Variants in TECPR1 observed in about 807,000 individuals in gnomAD.
The protein encoded by TECPR1 is tectonin beta-propeller repeat-containing protein 1.
TECPR1 carries 122 observed loss-of-function variants against 162.4 expected under a neutral mutation model. The ratio of observed to expected loss-of-function variants is 0.75; its 90% CI spans 0.65 to 0.87. The LOEUF is 0.87. TECPR1 is among the 40% of genes least tolerant of loss of function. The pLI is 0.00. For synonymous variants in TECPR1, 642 were observed against 670.6 expected, an observed-to-expected ratio of 0.96 and a Z score of 0.66; for missense variants, 1,432 against 1,618.2, an observed-to-expected ratio of 0.88 and a Z score of 1.97.
Position 98,241,343 on chromosome 7 carries a change from G to A in TECPR1, c.658-99C>T. On this transcript the variant is annotated intron_variant, in intron 6 of 25. Coordinates refer to ENST00000447648, the MANE Select transcript of TECPR1 (RefSeq NM_015395.3). The surrounding 1 kb of genome is among the most constrained non-coding windows in gnomAD (Gnocchi z 5.0). ...GTAGGGGGTAGGACCCATGTCCCCT[G>A]ACCGTCCAGATCTCACTCCCTGCCC... 1 of 1,451,012 alleles carries A rather than the reference G, an allele frequency of 6.9e-7. No individual in the cohort carries two copies. The highest frequency in any genetic ancestry group is 9.5e-7 in the Non-Finnish European group (1 of 1,057,376). The allele number at this position is 1,451,012 out of a possible 1,614,324, so 89.9% of individuals were successfully genotyped here.
In TECPR1 at chr7:98,231,085, G is replaced by A. The variant is rs372050077; in HGVS notation, c.2158C>T (p.Arg720Trp). Residue 720 changes from arginine to tryptophan, a missense_variant, in exon 15 of 26, where the codon CGG (arginine) becomes TGG (tryptophan). Coordinates refer to ENST00000447648, the MANE Select transcript of TECPR1 (RefSeq NM_015395.3). ...GGGGACGGGCGGCCCTGCACCTTCC[G>A]GCTCTCGCAGCAAGACAGGCTGAGC... ...ALLSLSCCES[R>W]KVQGRPSPQA... The A allele has an allele frequency of 4.7e-5, 75 of 1,604,560 alleles. No individual in the cohort carries two copies. Among genetic ancestry groups the A allele is most frequent in the Admixed American group, 2.1e-4 (12 of 58,508 alleles).
In TECPR1 at chr7:98,217,743, G is replaced by T; in HGVS notation, c.3333C>A (p.Thr1111=). Residue 1111 remains threonine, a synonymous_variant, in exon 25 of 26, where the codon ACC becomes ACA. Transcript: ENST00000447648. ...CCTTGGGCTCGTGAGGCTGCACGCCGGTGCGATGACACACTGTCCCCCGGC... is the reference window on the plus strand; with the variant it reads ...CCTTGGGCTCGTGAGGCTGCACGCCTGTGCGATGACACACTGTCCCCCGGC... ...SLSRGTVCHR[T]GVQPHEPKGH... is the part of the protein sequence containing the mutation. The T allele has an allele frequency of 6.4e-7, 1 of 1,550,388 alleles. No individual in the cohort carries two copies. Among genetic ancestry groups the T allele is most frequent in the South Asian group, 1.2e-5 (1 of 84,030 alleles).
At position 98,241,146 on chromosome 7, in the gene TECPR1, G is replaced by C; in HGVS notation, c.756C>G (p.Pro252=). The C allele has an allele frequency of 6.2e-7, 1 of 1,612,816 alleles. No individual in the cohort carries two copies. The highest frequency in any genetic ancestry group is 8.5e-7 in the Non-Finnish European group (1 of 1,179,788). ...AGAGTGTGGCCCACAGGAGGTCGTG[G>C]GGCCCACAGCTGATCTGAACCACCT... ...PGEVVQISCG[P]HDLLWATLWE... Residue 252 remains proline (P), a synonymous_variant, in exon 7 of 26, where the codon CCC becomes CCG. Coordinates refer to ENST00000447648, the MANE Select transcript of TECPR1 (RefSeq NM_015395.3). This position sits in a 1 kb window ranked among gnomAD's most constrained non-coding sequence, Gnocchi z 5.0.
At chr7:98,218,750 A>G (rs1029242358) in intron 23 of TECPR1, among the ~76,000 whole-genome samples, 1 of 152,240 alleles carries the variant, frequency 6.6e-6, no homozygotes, top group Non-Finnish European at 1.5e-5. Context: ...TCCCATATTC[A>G]TGGATTGATG....
At chr7:98,234,539 T>C (rs1798541438) in intron 10 of TECPR1, among the ~76,000 whole-genome samples, 1 of 152,114 alleles carries the variant, frequency 6.6e-6, no homozygotes, top group East Asian at 1.9e-4. Context: ...TCAAGCCTCT[T>C]GGATATACAC....
Position 98,231,887 on chromosome 7 carries a change from A to G in TECPR1, c.1891T>C (p.Leu631=). The G allele has an allele frequency of 6.2e-7, 1 of 1,612,156 alleles. No homozygotes were observed. Among genetic ancestry groups the G allele is most frequent in the Non-Finnish European group, 8.5e-7 (1 of 1,179,804 alleles). ...TGCCCCGTGAACTGCTCCAGGGCCAAGCGCACGTCCACCCACTTGTGGGGC... is the reference window on the plus strand; with the variant it reads ...TGCCCCGTGAACTGCTCCAGGGCCAGGCGCACGTCCACCCACTTGTGGGGC... ...WKPHKWVDVR[L]ALEQFTGHDG... is the part of the protein sequence containing the mutation. The change falls in exon 13 of 26, where the codon TTG becomes CTG. Residue 631 remains leucine (L), a synonymous_variant. Coordinates refer to ENST00000447648, the MANE Select transcript of TECPR1 (RefSeq NM_015395.3).
Position 98,247,550 on chromosome 7 carries a change from C to T in TECPR1, c.-19-1385G>A, listed in dbSNP as rs544509053. On this transcript the variant is annotated intron_variant, in intron 2 of 25. Transcript: ENST00000447648. ...GGGTCCTTCCCCAGAGTGGGCAGGTCTCCCCGCCATGTTGGCCTCTATCTG... is the reference window on the plus strand; with the variant it reads ...GGGTCCTTCCCCAGAGTGGGCAGGTTTCCCCGCCATGTTGGCCTCTATCTG... 7.2e-5 allele frequency among the ~76,000 whole-genome samples: 11 copies of T among 152,214 alleles called. No homozygotes were observed. In the East Asian group the frequency reaches 1.9e-3, roughly 27 times the overall value.
At chr7:98,223,555 G>C (rs1798197263) in intron 20 of TECPR1, 107 bp downstream of exon 20, 2 of 1,204,424 alleles carry the variant, frequency 1.7e-6, no homozygotes, top group Non-Finnish European at 2.4e-6. Context: ...TTGGGACTGA[G>C]GTCAGAGGCC....
At chr7:98,227,880 C>T (rs1343981946) in intron 17 of TECPR1, 134 bp downstream of exon 17, 12 of 641,122 alleles carry the variant, frequency 1.9e-5, no homozygotes, top group Admixed American at 4.9e-5. Flanking sequence ...CGGTAAGATC[C>T]GGTTAGTTTC....
rs1457783905 is a variant in TECPR1, at chr7:98,238,608, C to A, written c.936G>T (p.Val312=). 1.9e-6 allele frequency: 3 copies of A among 1,562,806 alleles called. No homozygotes were observed. The East Asian group carries it at 7.1e-5, about 37-fold the overall frequency. ...VVWAVTKDWK[V]WFRRGVNSHN... Reference sequence around the variant, plus strand: ...GAGAGTTGACGCCTCTTCGGAACCACACCTGGGGGAGTCAGAAATAAACAT... The same window carrying A: ...GAGAGTTGACGCCTCTTCGGAACCAAACCTGGGGGAGTCAGAAATAAACAT... Residue 312 remains valine, a splice_region_variant and synonymous_variant, in exon 9 of 26, where the codon GTG becomes GTT. Transcript: ENST00000447648.
At position 98,241,350 on chromosome 7, in the gene TECPR1, C is replaced by T. The variant is rs1160882992; in HGVS notation, c.658-106G>A. On this transcript the variant is annotated intron_variant, in intron 6 of 25. Coordinates refer to ENST00000447648, the MANE Select transcript of TECPR1 (RefSeq NM_015395.3). This position sits in a 1 kb window ranked among gnomAD's most constrained non-coding sequence, Gnocchi z 5.0. ...GTAGGACCCATGTCCCCTGACCGTC[C>T]AGATCTCACTCCCTGCCCCCTACCC... 2.2e-6 allele frequency: 3 copies of T among 1,389,720 alleles called. No individual in the cohort carries two copies. Among genetic ancestry groups the T allele is most frequent in the Non-Finnish European group, 3.0e-6 (3 of 1,008,186 alleles). 86.1% of individuals were successfully genotyped at this position (1,389,720 alleles called of 1,614,324 possible).
chr7:98,233,690 C>A lies in TECPR1; in HGVS notation c.1403G>T (p.Arg468Met). ...VEDACPAEGS[R>M]EARPNTHPGP... is the part of the protein sequence containing the mutation. ...GGGGTGCGTGTTGGGTCTGGCCTCCCTGCTGCCCTCGGCTGGGCAGGCATC... is the reference window on the plus strand; with the variant it reads ...GGGGTGCGTGTTGGGTCTGGCCTCCATGCTGCCCTCGGCTGGGCAGGCATC... The change falls in exon 11 of 26, where the codon AGG becomes ATG. Residue 468 changes from arginine (R) to methionine (M), a missense_variant. Arg to Met is a moderately conservative substitution (Grantham distance 91). Coordinates refer to ENST00000447648, the MANE Select transcript of TECPR1 (RefSeq NM_015395.3). The A allele has an allele frequency of 6.2e-7, 1 of 1,609,384 alleles. No homozygotes were observed. Among genetic ancestry groups the A allele is most frequent in the Middle Eastern group, 1.7e-4 (1 of 6,040 alleles).
intron 19 of TECPR1, 111 bp from the exon 20 acceptor site, chr7:98,223,829 G>C: frequency 8.3e-7 from 1 of 1,198,686 alleles, no homozygotes; most frequent in Non-Finnish European, 1.2e-6. Flanking sequence ...GGACTGGGTG[G>C]AAGCCATGGA....
chr7:98,227,893 G>A, intron 17 of TECPR1, 121 bp downstream of exon 17: 2 of 709,622 alleles, frequency 2.8e-6, no homozygotes, highest in South Asian at 1.6e-5. Flanking sequence ...TTAGTTTCCT[G>A]CTGGCGGCCT....
At chr7:98,243,752 T>C (rs1395592640) in intron 5 of TECPR1, among the ~76,000 whole-genome samples, 160 bp from the exon 6 acceptor site, 6 of 152,186 alleles carry the variant, frequency 3.9e-5, no homozygotes, top group Non-Finnish European at 7.4e-5. Flanking sequence ...TGGGGGCCCC[T>C]GCCCGGCTAA....
Position 98,246,065 on chromosome 7 carries a change from A to G in TECPR1, c.82T>C (p.Cys28Arg). The change falls in exon 3 of 26, where the codon TGC becomes CGC. Residue 28 changes from cysteine (C) to arginine (R), a missense_variant. Physicochemically the swap from Cys to Arg is radical, Grantham distance 180. Coordinates refer to ENST00000447648, the MANE Select transcript of TECPR1 (RefSeq NM_015395.3). ...TTGAACTCCAGCTGGGAGTCCTTGCACATTTCCCAGTACTGGCCTGCTGTG... is the reference window on the plus strand; with the variant it reads ...TTGAACTCCAGCTGGGAGTCCTTGCGCATTTCCCAGTACTGGCCTGCTGTG... ...LSTAGQYWEM[C>R]KDSQLEFKRV... 1.3e-6 allele frequency: 2 copies of G among 1,571,622 alleles called. No homozygotes were observed. The highest frequency in any genetic ancestry group is 3.7e-5 in the Admixed American group (2 of 53,530).
rs755133111 is a variant in TECPR1 at position 98,215,530 on chromosome 7, T to G, written c.*1860A>C. ...GGCACGGACACTCCAGGGGAAATGC[T>G]TATTGAGTAAAGTATCCGAGGAAGT... On this transcript the variant is annotated 3_prime_UTR_variant, in exon 26 of 26. Transcript: ENST00000447648. 1 of 152,214 alleles carries G rather than the reference T, an allele frequency of 6.6e-6. No individual in the cohort carries two copies. The highest frequency in any genetic ancestry group is 2.4e-5 in the African/African-American group (1 of 41,434). The allele number at this position is 152,214 out of a possible 1,614,324, so 9.4% of individuals were successfully genotyped here.
intron 2 of TECPR1, chr7:98,250,785 C>T (rs1799043486): frequency 6.6e-6 from 1 of 152,036 alleles, no homozygotes; most frequent in African/African-American, 2.4e-5. Context: ...AATGACTAAG[C>T]ACTAATTTCC....
intron 9 of TECPR1, among the ~76,000 whole-genome samples, chr7:98,238,271 C>T (rs1798649877): frequency 6.6e-6 from 1 of 152,192 alleles, no homozygotes; most frequent in African/African-American, 2.4e-5. Flanking sequence ...GGTTCAGCAC[C>T]CCTGTGCACT....
Sources: allele counts gnomAD v4.1 joint callset (sites outside exome capture counted in the v4.1 genomes callset), GRCh38; gene constraint gnomAD v4.1.1; non-coding constraint Gnocchi (gnomAD v3.1); transcripts MANE v1.5; gene names NCBI Gene and HGNC (gene_info 2026-07-23, HGNC 2026-07-21).